Variants in IREB2 observed in about 807,000 individuals in gnomAD.
IREB2 encodes iron responsive element binding protein 2.
A neutral mutation model predicts 118.8 loss-of-function variants in IREB2; 39 were observed. The observed-to-expected ratio is 0.33, with a 90% CI of 0.25 to 0.43. The LOEUF (loss-of-function observed/expected upper bound fraction) is 0.43, where lower values mean the gene tolerates loss of function less well. Among genes scored for constraint, IREB2 ranks in the 20% least tolerant of loss-of-function variants. The pLI is 1.00. For synonymous variants in IREB2, 372 were observed against 392.2 expected (o/e 0.95, Z 0.61); for missense variants, 900 against 1,147.3 (o/e 0.78, Z 3.11).
intron 13 of IREB2, 82 bp downstream of exon 13, chr15:78,485,922 A>G: frequency 3.5e-6 from 4 of 1,158,416 alleles, no homozygotes; most frequent in Admixed American, 4.7e-5. Context: ...TTCATATACA[A>G]AGAGAAGATA....
chr15:78,445,352 G>A (rs1333523327), intron 2 of IREB2, among the ~76,000 whole-genome samples: 1 of 152,122 alleles, frequency 6.6e-6, no homozygotes, highest in Non-Finnish European at 1.5e-5. Context: ...TGGCCAGGCT[G>A]GTCTCGGAAC....
At chr15:78,479,607 C>G (rs1231765453) in intron 10 of IREB2, among the ~76,000 whole-genome samples, 1 of 151,996 alleles carries the variant, frequency 6.6e-6, no homozygotes, top group Non-Finnish European at 1.5e-5. Flanking sequence ...TTTATTTCTA[C>G]TTTATGATAA....
Position 78,473,327 on chromosome 15 carries a change from T to C in IREB2, c.969T>C (p.Thr323=). The C allele has an allele frequency of 6.2e-7, 1 of 1,613,910 alleles. No homozygotes were observed. Among genetic ancestry groups the C allele is most frequent in the Non-Finnish European group, 8.5e-7 (1 of 1,179,760 alleles). Residue 323 remains threonine, a synonymous_variant, in exon 8 of 22, where the codon ACT becomes ACC. Transcript: ENST00000258886. ...TLPEVVGCEL[T]GSSNPFVTSI... ...CAGAGGTGGTTGGATGTGAGTTAAC[T>C]GGGTCATCAAACCCTTTTGTTACAT...
chr15:78,487,172 TC>T (rs2051675056), intron 13 of IREB2, among the ~76,000 whole-genome samples: 1 of 112,914 alleles, frequency 8.9e-6, no homozygotes, highest in Non-Finnish European at 1.9e-5. Flanking sequence ...GAGAGATTAC[TC>T]CTATCAGAGT....
At chr15:78,462,655 A>G (rs1005612697) in intron 2 of IREB2, among the ~76,000 whole-genome samples, 3 of 152,082 alleles carry the variant, frequency 2.0e-5, no homozygotes, top group Non-Finnish European at 4.4e-5. Context: ...TTGCAGTATG[A>G]TATTCCTAAA....
intron 3 of IREB2, among the ~76,000 whole-genome samples, chr15:78,464,793 A>G (rs1325120206): frequency 6.6e-6 from 1 of 152,148 alleles, no homozygotes; most frequent in Non-Finnish European, 1.5e-5. Flanking sequence ...GCCTTGTACC[A>G]TTGGTGTCTA....
chr15:78,444,532 T>TTAGTC (rs1399652220), intron 2 of IREB2, among the ~76,000 whole-genome samples: 1 of 152,010 alleles, frequency 6.6e-6, no homozygotes, highest in African/African-American at 2.4e-5. Flanking sequence ...ACAGTACTGC[T>TTAGTC]TAGTCCTCCA....
chr15:78,459,620 G>A (rs12442456), intron 2 of IREB2, among the ~76,000 whole-genome samples: 1 of 152,218 alleles, frequency 6.6e-6, no homozygotes, highest in African/African-American at 2.4e-5. Context: ...AAAATTTTGC[G>A]ATTACAGGCG....
chr15:78,477,268 G>A (rs1297116925), intron 9 of IREB2, among the ~76,000 whole-genome samples: 2 of 152,198 alleles, frequency 1.3e-5, no homozygotes, highest in South Asian at 4.1e-4. Context: ...GCTTGCACAA[G>A]CAGTAATTAC....
Position 78,490,765 on chromosome 15 carries a change from T to G in IREB2, c.2324+4T>G. 3 of 1,613,920 alleles carry G rather than the reference T, an allele frequency of 1.9e-6. No homozygotes were observed. The highest frequency in any genetic ancestry group is 1.7e-6 in the Non-Finnish European group (2 of 1,179,874). On this transcript the variant is annotated splice_donor_region_variant and intron_variant, in intron 18 of 21. Coordinates refer to ENST00000258886, the MANE Select transcript of IREB2 (RefSeq NM_004136.4). Reference sequence around the variant, plus strand: ...CTAAGTATTTGACAAACAGAGGGTATGTGTACATGGCTTTAGAGTGTTTTT... The same window carrying G: ...CTAAGTATTTGACAAACAGAGGGTAGGTGTACATGGCTTTAGAGTGTTTTT...
chr15:78,458,936 C>T (rs755407322), intron 2 of IREB2, among the ~76,000 whole-genome samples: 48 of 151,868 alleles, frequency 3.2e-4, no homozygotes, highest in Non-Finnish European at 3.8e-4. Context: ...GGAGCTGGAG[C>T]CACACTCTCA....
At chr15:78,485,164 C>T (rs2051638859) in intron 12 of IREB2, among the ~76,000 whole-genome samples, 1 of 152,202 alleles carries the variant, frequency 6.6e-6, no homozygotes, top group African/African-American at 2.4e-5. Context: ...ATCTGCTTCT[C>T]TTGTTAATTT....
intron 20 of IREB2, among the ~76,000 whole-genome samples, chr15:78,494,870 C>A (rs2141530738): frequency 6.6e-6 from 1 of 152,264 alleles, no homozygotes; most frequent in South Asian, 2.1e-4. Flanking sequence ...ATGTGCCCGG[C>A]CCCCACTGTT....
At position 78,497,317 on chromosome 15, in the gene IREB2, T is replaced by C; in HGVS notation, c.2781+6T>C. On this transcript the variant is annotated splice_donor_region_variant and intron_variant, in intron 21 of 21. Coordinates refer to ENST00000258886, the MANE Select transcript of IREB2 (RefSeq NM_004136.4). ...GAATTACATTGAATATACAGGTATCTCTAAATTTTTCAAATATATGATTAT... is the reference window on the plus strand; with the variant it reads ...GAATTACATTGAATATACAGGTATCCCTAAATTTTTCAAATATATGATTAT... The C allele has an allele frequency of 6.3e-7, 1 of 1,591,598 alleles. No individual in the cohort carries two copies.
intron 2 of IREB2, among the ~76,000 whole-genome samples, chr15:78,453,002 T>C (rs1293579007): frequency 2.0e-5 from 3 of 152,212 alleles, no homozygotes; most frequent in Non-Finnish European, 2.9e-5. Context: ...TTGTGTTACT[T>C]ACAGAAAAGG....
At chr15:78,446,672 C>G (rs1199138600) in intron 2 of IREB2, among the ~76,000 whole-genome samples, 1 of 152,160 alleles carries the variant, frequency 6.6e-6, no homozygotes, top group Non-Finnish European at 1.5e-5. Flanking sequence ...TTCAGTCTCT[C>G]TGTGTCCTGA....
At chr15:78,468,655 C>T (rs557829670) in intron 5 of IREB2, among the ~76,000 whole-genome samples, 3 of 151,928 alleles carry the variant, frequency 2.0e-5, no homozygotes, top group Non-Finnish European at 4.4e-5. Flanking sequence ...ATCCTAAGTA[C>T]CAAATAATAC....
At chr15:78,477,167 A>G (rs1217952258) in intron 9 of IREB2, among the ~76,000 whole-genome samples, 1 of 152,222 alleles carries the variant, frequency 6.6e-6, no homozygotes, top group East Asian at 1.9e-4. Context: ...CATTCAAAGT[A>G]GAAATGGTTA....
chr15:78,482,686 T>C (rs2051594521), intron 10 of IREB2, among the ~76,000 whole-genome samples: 1 of 152,110 alleles, frequency 6.6e-6, no homozygotes, highest in Non-Finnish European at 1.5e-5. Flanking sequence ...TAGGCATCTA[T>C]TTTATCATTG....
Sources: gnomAD v4.1 joint callset for allele counts (sites outside exome capture counted in the v4.1 genomes callset) on GRCh38, gnomAD v4.1.1 for gene constraint, MANE v1.5 for transcripts, NCBI Gene and HGNC (gene_info 2026-07-23, HGNC 2026-07-21) for gene names.